MAN2C1: variants seen among roughly 807,000 people sequenced by gnomAD.
MAN2C1 encodes mannosidase alpha class 2C member 1.
MAN2C1 carries 111 observed loss-of-function variants against 126.9 expected under a neutral mutation model. The observed-to-expected ratio is 0.87, with a 90% CI of 0.75 to 1.02. The LOEUF is 1.02. MAN2C1 is among the 50% of genes least tolerant of loss of function. MAN2C1 has a pLI of 0.00. For synonymous variants in MAN2C1, 567 were observed against 561.5 expected, an observed-to-expected ratio of 1.01 and a Z score of -0.14; for missense variants, 1,363 against 1,364.4, an observed-to-expected ratio of 1.00 and a Z score of 0.02.
Position 75,368,546 on chromosome 15 carries a change from G to T in MAN2C1, c.38C>A (p.Thr13Lys), listed in dbSNP as rs1438107942. 4 of 1,553,588 alleles carry T rather than the reference G, an allele frequency of 2.6e-6. No homozygotes were observed. The highest frequency in any genetic ancestry group is 3.5e-6 in the Non-Finnish European group (4 of 1,149,696). The change falls in exon 1 of 26, where the codon ACG becomes AAG. Residue 13 changes from threonine to lysine, a missense_variant. Physicochemically the swap from Thr to Lys is moderately conservative, Grantham distance 78. Around this residue, in one of 3 missense-constraint regions of MAN2C1, gnomAD observed 628 missense variants for 609.8 expected, o/e 1.03. Coordinates refer to ENST00000267978, the MANE Select transcript of MAN2C1 (RefSeq NM_006715.4). ...AAPALKHWRT[T>K]LERVEKFVSP... ...CACGAACTTCTCCACCCGCTCCAGC[G>T]TGGTGCGCCAGTGCTTCAAGGCCGG...
At chr15:75,359,815 T>C in intron 15 of MAN2C1, 40 bp from the exon 16 acceptor site, 1 of 1,613,412 alleles carries the variant, frequency 6.2e-7, no homozygotes, top group Non-Finnish European at 8.5e-7. Flanking sequence ...GCAACAGGTC[T>C]GGAATGTGCC....
chr15:75,366,718 G>A, intron 3 of MAN2C1, 126 bp from the exon 4 acceptor site: 2 of 615,996 alleles, frequency 3.2e-6, no homozygotes, highest in Non-Finnish European at 5.5e-6. Flanking sequence ...CCCAAGCAGG[G>A]CCAAGATTGG....
Position 75,356,308 on chromosome 15 carries a change from A to G in MAN2C1, c.2879T>C (p.Val960Ala). The stretch of plus-strand genomic sequence containing the variant: ...GCACGTCCCACCCCTTGCCTGCTTG[A>G]CGGTCTCCAATACGACCGCGGGTGA... Reference protein sequence around the residue: ...VSSPAVVLETVKQAESSPQRR... With the variant: ...VSSPAVVLETAKQAESSPQRR... Residue 960 changes from valine (V) to alanine (A), a missense_variant, in exon 24 of 26, where the codon GTC becomes GCC. By Grantham distance (64) the Val-to-Ala change is moderately conservative (BLOSUM62 0). This residue lies in a region of MAN2C1 where 668 missense variants were observed against 650.1 expected (regional missense o/e 1.03). Transcript: ENST00000267978. This position sits in a 1 kb window ranked among gnomAD's most constrained non-coding sequence, Gnocchi z 5.8. The G allele has an allele frequency of 1.2e-6, 2 of 1,610,764 alleles. No homozygotes were observed. The highest frequency in any genetic ancestry group is 1.3e-5 in the African/African-American group (1 of 74,262).
At position 75,362,858 on chromosome 15, in the gene MAN2C1, G is replaced by T; in HGVS notation, c.791-110C>A. ...CCTCCCATCCCAGGCCCTTCACCCT[G>T]GAAAGCCCTGTGGTGTCCCTCCTAA... On this transcript the variant is annotated intron_variant, in intron 6 of 25. Transcript: ENST00000267978. The surrounding 1 kb of genome is among the most constrained non-coding windows in gnomAD (Gnocchi z 4.5). 1.1e-6 allele frequency: 1 copy of T among 878,080 alleles called. No homozygotes were observed. The highest frequency in any genetic ancestry group is 1.8e-6 in the Non-Finnish European group (1 of 546,834). 54.4% of individuals were successfully genotyped at this position (878,080 alleles called of 1,614,324 possible). A position where few individuals can be genotyped will look rare whatever the true frequency, so the allele number is the denominator to read the frequency against.
intron 2 of MAN2C1, 87 bp from the exon 3 acceptor site, chr15:75,367,721 A>G (rs1425684865): frequency 9.8e-6 from 15 of 1,527,470 alleles, no homozygotes; most frequent in Middle Eastern, 1.7e-4. Flanking sequence ...GGGGCTTGAA[A>G]CTCTCCAAGC....
intron 12 of MAN2C1, 97 bp from the exon 13 acceptor site, chr15:75,360,785 A>C (rs1322327437): frequency 7.4e-6 from 11 of 1,492,954 alleles, no homozygotes; most frequent in Admixed American, 5.7e-5. Context: ...TACAGAGAGG[A>C]GCCACTCCAG....
At position 75,364,642 on chromosome 15, in the gene MAN2C1, G is replaced by A. The variant is rs371047656; in HGVS notation, c.446C>T (p.Ala149Val). ...PRSLTLYVEV[A>V]CNGLLGAGKG... ...CCCGGCCCCCAGGAGCCCATTGCAG[G>A]CTACTTCCACATAGAGAGTGAGGCT... Residue 149 changes from alanine to valine, a missense_variant, in exon 5 of 26, where the codon GCC becomes GTC. Transcript: ENST00000267978. 4.5e-5 allele frequency: 72 copies of A among 1,612,612 alleles called. No homozygotes were observed. Among genetic ancestry groups the A allele is most frequent in the Non-Finnish European group, 5.6e-5 (66 of 1,179,286 alleles).
At chr15:75,363,217 C>T (rs1311388076) in intron 6 of MAN2C1, 6 of 456,534 alleles carry the variant, frequency 1.3e-5, no homozygotes, top group South Asian at 9.3e-5. Flanking sequence ...TACCCTACAT[C>T]TTGGCACAGC....
rs1227393355 is a variant in MAN2C1 at position 75,359,311 on chromosome 15, G to T, written c.2046+17C>A. 1 of 1,577,822 alleles carries T rather than the reference G, an allele frequency of 6.3e-7. No homozygotes were observed. The highest frequency in any genetic ancestry group is 1.7e-5 in the Admixed American group (1 of 57,310). ...ATCCCAGCACAGTTCCTGCCCCCCAGGGCATGCAGGACTCACCTCTTGCAC... is the reference window on the plus strand; with the variant it reads ...ATCCCAGCACAGTTCCTGCCCCCCATGGCATGCAGGACTCACCTCTTGCAC... On this transcript the variant is annotated intron_variant, in intron 17 of 25. Coordinates refer to ENST00000267978, the MANE Select transcript of MAN2C1 (RefSeq NM_006715.4).
At position 75,356,070 on chromosome 15, in the gene MAN2C1, C is replaced by T. The variant is rs762975142; in HGVS notation, c.2997-38G>A. 8.1e-6 allele frequency: 13 copies of T among 1,613,120 alleles called. No homozygotes were observed. Among genetic ancestry groups the T allele is most frequent in the African/African-American group, 8.0e-5 (6 of 74,894 alleles). On this transcript the variant is annotated intron_variant, in intron 25 of 25. Transcript: ENST00000267978. The surrounding 1 kb of genome is among the most constrained non-coding windows in gnomAD (Gnocchi z 5.8). ...AGGGGCCATGAAGGCTCTGCGAGGGCGAGACTCGACCCCCGCCCCAATCCC... is the reference window on the plus strand; with the variant it reads ...AGGGGCCATGAAGGCTCTGCGAGGGTGAGACTCGACCCCCGCCCCAATCCC...
intron 2 of MAN2C1, 164 bp downstream of exon 2, chr15:75,367,909 A>T (rs919820136): frequency 9.6e-7 from 1 of 1,042,410 alleles, no homozygotes; most frequent in Admixed American, 2.9e-5. Flanking sequence ...AGACCCAGGG[A>T]CCAGAGAGCT....
chr15:75,368,395 G>A (rs1036650635), intron 1 of MAN2C1, 88 bp downstream of exon 1: 2 of 1,444,124 alleles, frequency 1.4e-6, no homozygotes, highest in Non-Finnish European at 9.4e-7. Flanking sequence ...CCCGCGGCCC[G>A]GGTGGCTGCA....
chr15:75,358,484 G>A lies in MAN2C1; in HGVS notation c.2381C>T (p.Pro794Leu). 6.2e-7 allele frequency: 1 copy of A among 1,613,552 alleles called. No homozygotes were observed. The highest frequency in any genetic ancestry group is 1.1e-5 in the South Asian group (1 of 91,082). The change falls in exon 20 of 26, where the codon CCC becomes CTC. Residue 794 changes from proline to leucine, a missense_variant. This residue lies in a region of MAN2C1 where 668 missense variants were observed against 650.1 expected (regional missense o/e 1.03). Transcript: ENST00000267978. ...SQEVVLDVGC[P>L]YVRFHTEVHW... Reference sequence around the variant, plus strand: ...TACCTCGGTGTGGAAGCGGACATAGGGGCAGCCAACGTCCAGCACAACCTC... The same window carrying A: ...TACCTCGGTGTGGAAGCGGACATAGAGGCAGCCAACGTCCAGCACAACCTC...
chr15:75,362,233 C>A lies in MAN2C1; in HGVS notation c.1008+110G>T, dbSNP rs372941345. On this transcript the variant is annotated intron_variant, in intron 8 of 25. Coordinates refer to ENST00000267978, the MANE Select transcript of MAN2C1 (RefSeq NM_006715.4). This position sits in a 1 kb window ranked among gnomAD's most constrained non-coding sequence, Gnocchi z 4.5. ...CTAATGAGCCAGCCCTGCCACACAG[C>A]GGGGATGAGTGGCCCGTGGAAACTC... The A allele has an allele frequency of 8.6e-6, 8 of 935,438 alleles. No individual in the cohort carries two copies. The highest frequency in any genetic ancestry group is 1.3e-5 in the Non-Finnish European group (8 of 599,254). The allele number at this position is 935,438 out of a possible 1,614,324, so 57.9% of individuals were successfully genotyped here.
At position 75,364,481 on chromosome 15, in the gene MAN2C1, C is replaced by T; in HGVS notation, c.600+7G>A. The T allele has an allele frequency of 6.3e-7, 1 of 1,575,754 alleles. No homozygotes were observed. The highest frequency in any genetic ancestry group is 8.6e-7 in the Non-Finnish European group (1 of 1,160,066). On this transcript the variant is annotated splice_region_variant and intron_variant, in intron 5 of 25. Coordinates refer to ENST00000267978, the MANE Select transcript of MAN2C1 (RefSeq NM_006715.4). ...GGGTAGCAGGGGGTACAGGGGGTGTCAAGTACCTTGGCTATGCCCAGCAGC... is the reference window on the plus strand; with the variant it reads ...GGGTAGCAGGGGGTACAGGGGGTGTTAAGTACCTTGGCTATGCCCAGCAGC...
rs768422909 is a variant in MAN2C1, at chr15:75,359,988, C to A, written c.1707G>T (p.Arg569Ser). 12 of 1,614,036 alleles carry A rather than the reference C, an allele frequency of 7.4e-6. No homozygotes were observed. The East Asian group carries it at 1.1e-4, about 15-fold the overall frequency. ...YPAAQLQHLW[R>S]LLLLNQFHDV... ...CATGGAACTGGTTCAGAAGAAGGAG[C>A]CTGCAGGGGCCAAGGGCAGGGATGG... The change falls in exon 15 of 26, where the codon AGG (arginine) becomes AGT (serine). Residue 569 changes from arginine (R) to serine (S), a missense_variant and splice_region_variant. By Grantham distance (110) the Arg-to-Ser change is moderately radical (BLOSUM62 -1). Around this residue, in one of 3 missense-constraint regions of MAN2C1, gnomAD observed 668 missense variants for 650.1 expected, o/e 1.03. Transcript: ENST00000267978.
intron 1 of MAN2C1, 67 bp from the exon 2 acceptor site, chr15:75,368,265 C>T (rs2072628082): frequency 1.3e-6 from 2 of 1,532,270 alleles, no homozygotes; most frequent in African/African-American, 1.4e-5. Context: ...GCCAGCTGGC[C>T]GGTGGGGCCG....
chr15:75,356,524 C>T lies in MAN2C1; in HGVS notation c.2738-75G>A. 6.4e-7 allele frequency: 1 copy of T among 1,553,510 alleles called. No homozygotes were observed. The highest frequency in any genetic ancestry group is 8.7e-7 in the Non-Finnish European group (1 of 1,147,330). ...CCCTGTCCCTAGAAGGGGCAGGAAGCCAGGTTGCTGGGGTTTGGGCTCAGG... is the reference window on the plus strand; with the variant it reads ...CCCTGTCCCTAGAAGGGGCAGGAAGTCAGGTTGCTGGGGTTTGGGCTCAGG... On this transcript the variant is annotated intron_variant, in intron 23 of 25. Transcript: ENST00000267978. The surrounding 1 kb of genome is among the most constrained non-coding windows in gnomAD (Gnocchi z 5.8).
At chr15:75,366,104 T>G (rs917011951) in intron 4 of MAN2C1, 3 of 314,382 alleles carry the variant, frequency 9.5e-6, no homozygotes, top group Admixed American at 4.7e-5. Context: ...AGAACATGAA[T>G]GCTGAGATGT....
Sources: gnomAD v4.1 joint callset for allele counts on GRCh38, gnomAD v4.1.1 for gene constraint, gnomAD v4.1.1 regional missense constraint, Gnocchi (gnomAD v3.1) non-coding constraint, MANE v1.5 for transcripts, NCBI Gene and HGNC (gene_info 2026-07-23, HGNC 2026-07-21) for gene names.